RAD51B: variants seen among roughly 807,000 people sequenced by gnomAD.
RAD51B encodes the protein DNA repair protein RAD51 homolog 2.
RAD51B carries 38 observed loss-of-function variants against 42.2 expected under a neutral mutation model. The ratio of observed to expected loss-of-function variants is 0.90; its 90% CI spans 0.70 to 1.18. The LOEUF (loss-of-function observed/expected upper bound fraction) is 1.18, where lower values mean the gene tolerates loss of function less well. Among genes scored for constraint, RAD51B ranks in the 50% most tolerant of loss-of-function variants. The pLI is 0.00. For synonymous variants in RAD51B, 154 were observed against 145.2 expected (o/e 1.06, Z -0.43); for missense variants, 373 against 400.7 (o/e 0.93, Z 0.59).
chr14:67,982,898 C>T (rs970200245), intron 7 of RAD51B, among the ~76,000 whole-genome samples: 5 of 151,928 alleles, frequency 3.3e-5, no homozygotes, highest in Non-Finnish European at 7.4e-5. Context: ...ACACGAATAT[C>T]TACAAAAATT....
chr14:68,474,558 G>C (rs1882394759), intron 10 of RAD51B, among the ~76,000 whole-genome samples: 1 of 151,976 alleles, frequency 6.6e-6, no homozygotes, highest in Non-Finnish European at 1.5e-5. Context: ...GAAAGGTAAA[G>C]TAATGTTCAC....
chr14:68,236,170 C>G (rs1456582031), intron 7 of RAD51B: 4 of 152,092 alleles, frequency 2.6e-5, no homozygotes, highest in African/African-American at 9.7e-5. Flanking sequence ...AGGCCATTTA[C>G]CTATATAACA....
chr14:68,603,717 G>A (rs1891317486), intron 10 of RAD51B, among the ~76,000 whole-genome samples: 1 of 152,232 alleles, frequency 6.6e-6, no homozygotes. Context: ...AGCACTTGGG[G>A]AGTTAATGAT....
intron 7 of RAD51B, among the ~76,000 whole-genome samples, chr14:68,158,303 A>G (rs900502650): frequency 6.6e-6 from 1 of 152,228 alleles, no homozygotes; most frequent in African/African-American, 2.4e-5. Flanking sequence ...CTGTGGCACT[A>G]TGGACTGGAC....
intron 7 of RAD51B, among the ~76,000 whole-genome samples, chr14:67,919,435 A>G (rs2044253077): frequency 6.6e-6 from 1 of 152,134 alleles, no homozygotes; most frequent in Non-Finnish European, 1.5e-5. Context: ...TAAATTCTTT[A>G]CTGGAAAAAA....
intron 8 of RAD51B, among the ~76,000 whole-genome samples, chr14:68,326,638 C>G (rs1188374610): frequency 2.0e-5 from 3 of 152,190 alleles, no homozygotes; most frequent in Non-Finnish European, 4.4e-5. Flanking sequence ...ACACTCAACT[C>G]TAATACAAAT....
intron 7 of RAD51B, among the ~76,000 whole-genome samples, chr14:67,982,906 A>T (rs2075121851): frequency 6.6e-6 from 1 of 152,020 alleles, no homozygotes; most frequent in Non-Finnish European, 1.5e-5. Flanking sequence ...ATCTACAAAA[A>T]TTTAAAAAAT....
chr14:68,358,532 A>AT (rs2082954449), intron 8 of RAD51B, among the ~76,000 whole-genome samples: 1 of 152,034 alleles, frequency 6.6e-6, no homozygotes, highest in African/African-American at 2.4e-5. Flanking sequence ...ACTGCAGCTA[A>AT]TTTTTTTTCT....
chr14:68,235,945 C>T (rs1326779669), intron 7 of RAD51B, among the ~76,000 whole-genome samples: 2 of 152,088 alleles, frequency 1.3e-5, no homozygotes, highest in East Asian at 1.9e-4. Context: ...CCTAAGTGAA[C>T]TAACACATGA....
chr14:68,434,759 A>G (rs1276075106), intron 9 of RAD51B, among the ~76,000 whole-genome samples: 1 of 151,966 alleles, frequency 6.6e-6, no homozygotes, highest in African/African-American at 2.4e-5. Flanking sequence ...TCCTGCACCC[A>G]CTGTCTGACA....
chr14:68,451,764 A>T (rs886177428), intron 9 of RAD51B, among the ~76,000 whole-genome samples: 1 of 152,236 alleles, frequency 6.6e-6, no homozygotes, highest in African/African-American at 2.4e-5. Context: ...AGGGCCAGGG[A>T]TGTGGTACAT....
chr14:68,172,756 T>G (rs2140861225), intron 7 of RAD51B, among the ~76,000 whole-genome samples: 1 of 152,354 alleles, frequency 6.6e-6, no homozygotes, highest in East Asian at 1.9e-4. Flanking sequence ...CTTTTTGTGC[T>G]TGGCTGGGTA....
intron 7 of RAD51B, among the ~76,000 whole-genome samples, chr14:67,899,948 A>T (rs1009002855): frequency 2.4e-4 from 37 of 152,318 alleles, no homozygotes; most frequent in African/African-American, 8.9e-4. Context: ...TCTTATTCAT[A>T]ATGGAACACT....
At chr14:68,190,270 C>T (rs2079237907) in intron 7 of RAD51B, among the ~76,000 whole-genome samples, 2 of 152,106 alleles carry the variant, frequency 1.3e-5, no homozygotes, top group Admixed American at 1.3e-4. Context: ...ACACATTTCC[C>T]TACTTAAAAG....
At chr14:68,188,929 G>T (rs1192658941) in intron 7 of RAD51B, among the ~76,000 whole-genome samples, 3 of 151,744 alleles carry the variant, frequency 2.0e-5, no homozygotes, top group African/African-American at 7.3e-5. Flanking sequence ...CAGCTTCTCT[G>T]CTTGGTGAAA....
intron 7 of RAD51B, among the ~76,000 whole-genome samples, chr14:67,946,364 T>C (rs2045392692): frequency 6.6e-6 from 1 of 152,056 alleles, no homozygotes. Context: ...TTTTTGTTGT[T>C]GTTGTTGTTG....
chr14:68,119,294 CATTT>C (rs1327537907), intron 7 of RAD51B, among the ~76,000 whole-genome samples: 2 of 148,534 alleles, frequency 1.3e-5, no homozygotes, highest in African/African-American at 4.9e-5. Flanking sequence ...ACTATTTTAT[CATTT>C]ATTTATTTTT....
rs143829194 is a variant in RAD51B at position 68,215,568 on chromosome 14, G to A, written c.757-76316G>A. On this transcript the variant is annotated intron_variant, in intron 7 of 10. Coordinates refer to ENST00000471583, the MANE Select transcript of RAD51B (RefSeq NM_133510.4). ...GAGGAAACTGTGGCTCAAAGTGTTA[G>A]TTGCCCAAGGTCATGCAGTATTAAG... 2.6e-3 allele frequency among the ~76,000 whole-genome samples: 389 copies of A among 152,294 alleles called. 3 individuals carry two copies. The highest frequency in any genetic ancestry group is 3.5e-3 in the Non-Finnish European group (240 of 68,020).
At chr14:67,901,399 T>C (rs965960498) in intron 7 of RAD51B, among the ~76,000 whole-genome samples, 4 of 152,162 alleles carry the variant, frequency 2.6e-5, no homozygotes, top group Non-Finnish European at 5.9e-5. Context: ...TTCTTAATCA[T>C]ATTTCTTCTC....
Sources: gnomAD v4.1 joint callset for allele counts (sites outside exome capture counted in the v4.1 genomes callset) on GRCh38, gnomAD v4.1.1 for gene constraint, MANE v1.5 for transcripts, NCBI Gene and HGNC (gene_info 2026-07-23, HGNC 2026-07-21) for gene names.